The following EXT1 variants were observed in gnomAD, a reference collection of about 807,000 sequenced individuals.
EXT1 encodes exostosin-1.
EXT1 carries 20 observed loss-of-function variants against 82.5 expected under a neutral mutation model. The ratio of observed to expected loss-of-function variants is 0.24; its 90% CI spans 0.17 to 0.35. The LOEUF (loss-of-function observed/expected upper bound fraction) is 0.35. Among genes scored for constraint, EXT1 ranks in the 10% least tolerant of loss-of-function variants. EXT1 has a pLI of 1.00. For synonymous variants in EXT1, 348 were observed against 350.8 expected (o/e 0.99, Z 0.09); for missense variants, 757 against 936.5 (o/e 0.81, Z 2.50).
rs557958682 is a variant in EXT1, at chr8:117,875,244, C to T, written c.963-38043G>A. Among the ~76,000 whole-genome samples, 6 of 152,042 alleles carry T rather than the reference C, an allele frequency of 3.9e-5. No homozygotes were observed. The East Asian group carries it at 7.8e-4, about 20-fold the overall frequency. On this transcript the variant is annotated intron_variant, in intron 1 of 10. Coordinates refer to ENST00000378204, the MANE Select transcript of EXT1 (RefSeq NM_000127.3). Reference sequence around the variant, plus strand: ...CCAGCCTGACCAACGTGCTGAAACCCCATCTCTGCTAAAAATATAAAAAAA... The same window carrying T: ...CCAGCCTGACCAACGTGCTGAAACCTCATCTCTGCTAAAAATATAAAAAAA...
At chr8:118,000,837 G>A (rs1815647190) in intron 1 of EXT1, among the ~76,000 whole-genome samples, 1 of 152,096 alleles carries the variant, frequency 6.6e-6, no homozygotes, top group African/African-American at 2.4e-5. Flanking sequence ...AAGAGAGACT[G>A]AGATTCTATC....
chr8:117,913,181 C>T (rs770578740), intron 1 of EXT1, among the ~76,000 whole-genome samples: 1 of 152,126 alleles, frequency 6.6e-6, no homozygotes, highest in Non-Finnish European at 1.5e-5. Flanking sequence ...AAGACTGCAC[C>T]ACTACCCCCA....
At chr8:117,919,754 T>C (rs1464773406) in intron 1 of EXT1, among the ~76,000 whole-genome samples, 7 of 152,144 alleles carry the variant, frequency 4.6e-5, no homozygotes, top group Non-Finnish European at 1.0e-4. Flanking sequence ...TCCTTCCACT[T>C]CAGCCTCCCA....
At chr8:117,861,917 T>C (rs1812694109) in intron 1 of EXT1, among the ~76,000 whole-genome samples, 1 of 145,474 alleles carries the variant, frequency 6.9e-6, no homozygotes, top group African/African-American at 2.4e-5. Context: ...CTGGTGAACA[T>C]AATGCACACA....
intron 1 of EXT1, among the ~76,000 whole-genome samples, chr8:117,934,549 G>A (rs1814122771): frequency 1.3e-5 from 2 of 152,288 alleles, no homozygotes; most frequent in African/African-American, 4.8e-5. Context: ...GAGTTGTCAC[G>A]CCCCCTTTCC....
At chr8:117,926,466 T>C (rs1813954202) in intron 1 of EXT1, among the ~76,000 whole-genome samples, 1 of 152,222 alleles carries the variant, frequency 6.6e-6, no homozygotes, top group Non-Finnish European at 1.5e-5. Context: ...AAAAAAGCCA[T>C]TTTTTCTTTC....
chr8:117,884,944 T>C (rs1477124490), intron 1 of EXT1, among the ~76,000 whole-genome samples: 1 of 152,228 alleles, frequency 6.6e-6, no homozygotes, highest in Non-Finnish European at 1.5e-5. Context: ...TTAGTTTCAA[T>C]GGATCGAAAT....
Position 118,000,876 on chromosome 8 carries a change from T to G in EXT1, c.962+109209A>C, listed in dbSNP as rs948294746. ...ACAAAGAAAGTGATGTGATCCCTAA[T>G]GTAGCAAAATCTCCCAGTCTTCACA... On this transcript the variant is annotated intron_variant, in intron 1 of 10. Transcript: ENST00000378204. 2.0e-5 allele frequency among the ~76,000 whole-genome samples: 3 copies of G among 152,204 alleles called. No individual in the cohort carries two copies. The East Asian group carries it at 5.8e-4, about 29-fold the overall frequency.
At chr8:117,885,271 T>C (rs942846137) in intron 1 of EXT1, among the ~76,000 whole-genome samples, 4 of 152,192 alleles carry the variant, frequency 2.6e-5, no homozygotes, top group Non-Finnish European at 5.9e-5. Flanking sequence ...CCAAGTGCCA[T>C]GTATACATGT....
chr8:118,027,568 A>G (rs1046859405), intron 1 of EXT1, among the ~76,000 whole-genome samples: 2 of 152,208 alleles, frequency 1.3e-5, no homozygotes, highest in Non-Finnish European at 2.9e-5. Flanking sequence ...ATGTGGGTCC[A>G]AAGAGCAAGC....
chr8:117,990,663 G>A (rs2064019349), intron 1 of EXT1, among the ~76,000 whole-genome samples: 1 of 152,220 alleles, frequency 6.6e-6, no homozygotes. Context: ...TGACTTCCTT[G>A]AAGTCTTGGG....
At chr8:117,834,863 T>A (rs898708595) in intron 3 of EXT1, among the ~76,000 whole-genome samples, 2 of 151,812 alleles carry the variant, frequency 1.3e-5, no homozygotes, top group Non-Finnish European at 2.9e-5. Context: ...TAAAAAAAAA[T>A]AATACATGAT....
At chr8:118,003,214 G>A (rs1044091631) in intron 1 of EXT1, among the ~76,000 whole-genome samples, 1 of 152,038 alleles carries the variant, frequency 6.6e-6, no homozygotes, top group Non-Finnish European at 1.5e-5. Flanking sequence ...GGTTGCAACG[G>A]CATAAGAATG....
chr8:118,096,296 A>ACTT (rs1291115455), intron 1 of EXT1, among the ~76,000 whole-genome samples: 3 of 152,186 alleles, frequency 2.0e-5, no homozygotes, highest in African/African-American at 7.2e-5. Context: ...CTTCAGTGAT[A>ACTT]CTTATATCAA....
intron 4 of EXT1, among the ~76,000 whole-genome samples, chr8:117,825,559 T>G (rs531181248): frequency 6.6e-6 from 1 of 152,224 alleles, no homozygotes; most frequent in Non-Finnish European, 1.5e-5. Flanking sequence ...TTCTAATTGA[T>G]GTGAATTCAA....
At chr8:117,835,397 G>C (rs767098749) in intron 3 of EXT1, 47 bp downstream of exon 3, 7 of 1,386,182 alleles carry the variant, frequency 5.0e-6, no homozygotes, top group Non-Finnish European at 7.2e-6. Context: ...TTGGACGGGG[G>C]CAGCAATAAT....
At chr8:118,026,990 C>T (rs1470894929) in intron 1 of EXT1, among the ~76,000 whole-genome samples, 5 of 152,172 alleles carry the variant, frequency 3.3e-5, no homozygotes, top group African/African-American at 1.2e-4. Flanking sequence ...CCTGTAGTCT[C>T]AGTTACTTTG....
chr8:117,988,129 C>T (rs984413445), intron 1 of EXT1, among the ~76,000 whole-genome samples: 1 of 152,174 alleles, frequency 6.6e-6, no homozygotes, highest in African/African-American at 2.4e-5. Context: ...CTTCAATCAA[C>T]ATTAGAGCAA....
chr8:118,100,783 C>A (rs1817703396), intron 1 of EXT1, among the ~76,000 whole-genome samples: 1 of 151,936 alleles, frequency 6.6e-6, no homozygotes, highest in Admixed American at 6.6e-5. Flanking sequence ...AAAGAGATCA[C>A]CTGCATTAAT....
Sources: allele counts gnomAD v4.1 joint callset (sites outside exome capture counted in the v4.1 genomes callset), GRCh38; gene constraint gnomAD v4.1.1; transcripts MANE v1.5; gene names NCBI Gene and HGNC (gene_info 2026-07-23, HGNC 2026-07-21).